Variants in ICE2 observed in about 807,000 individuals in gnomAD.
The protein encoded by ICE2 is interactor of little elongation complex ELL subunit 2, also known as little elongation complex subunit 2.
A neutral mutation model predicts 105.4 loss-of-function variants in ICE2; 87 were observed. The ratio of observed to expected loss-of-function variants is 0.83; its 90% CI spans 0.69 to 0.99. The LOEUF (loss-of-function observed/expected upper bound fraction) is 0.99. ICE2 is among the 50% of genes least tolerant of loss of function. The pLI, the probability that ICE2 is intolerant of heterozygous loss-of-function variation, is 0.00. For missense variants in ICE2, 1,323 were observed against 1,146.7 expected, an observed-to-expected ratio of 1.15 and a Z score of -2.22; for synonymous variants, 399 against 392.0, an observed-to-expected ratio of 1.02 and a Z score of -0.21.
intron 14 of ICE2, among the ~76,000 whole-genome samples, chr15:60,429,399 T>G (rs1204818362): frequency 1.3e-5 from 2 of 152,218 alleles, no homozygotes; most frequent in African/African-American, 4.8e-5. Context: ...CCCAGGCATT[T>G]GAACTCCACA....
intron 5 of ICE2, among the ~76,000 whole-genome samples, chr15:60,464,852 A>G (rs1268521775): frequency 6.6e-6 from 1 of 152,128 alleles, no homozygotes; most frequent in East Asian, 1.9e-4. Flanking sequence ...CCTGTATCTA[A>G]AAAAAGTTAG....
intron 13 of ICE2, among the ~76,000 whole-genome samples, chr15:60,432,362 G>C (rs1035363156): frequency 4.6e-5 from 7 of 151,328 alleles, no homozygotes; most frequent in Admixed American, 6.6e-5. Flanking sequence ...TGATTTTTTT[G>C]TATTTTTGGT....
At chr15:60,444,228 T>C (rs965609460) in intron 11 of ICE2, among the ~76,000 whole-genome samples, 2 of 152,174 alleles carry the variant, frequency 1.3e-5, no homozygotes, top group African/African-American at 4.8e-5. Context: ...TAATTCCATA[T>C]ATTTAAAAAA....
chr15:60,449,674 A>G lies in ICE2; in HGVS notation c.1293T>C (p.Ala431=). The G allele has an allele frequency of 6.2e-7, 1 of 1,614,062 alleles. No homozygotes were observed. The highest frequency in any genetic ancestry group is 8.5e-7 in the Non-Finnish European group (1 of 1,180,038). Residue 431 remains alanine, a synonymous_variant, in exon 10 of 16, where the codon GCT becomes GCC. Transcript: ENST00000261520. The part of the protein sequence containing the change: ...STSTVPNMTD[A]PTAPKAGTTT... The stretch of plus-strand genomic sequence containing the variant: ...TAGTTCCTGCTTTGGGGGCTGTAGG[A>G]GCATCTGTCATGTTAGGTACTGTGG...
chr15:60,430,914 G>A (rs982874841), intron 14 of ICE2, among the ~76,000 whole-genome samples: 18 of 151,956 alleles, frequency 1.2e-4, no homozygotes, highest in South Asian at 2.1e-4. Context: ...TCACTCTGTC[G>A]CCCAGGCTGG....
chr15:60,463,597 A>AC (rs1337821734), intron 5 of ICE2, among the ~76,000 whole-genome samples: 3 of 152,294 alleles, frequency 2.0e-5, no homozygotes, highest in African/African-American at 7.2e-5. Flanking sequence ...ATACGGTGAA[A>AC]CCCCATTTCT....
chr15:60,477,968 T>C lies in ICE2; in HGVS notation c.10A>G (p.Lys4Glu). The change falls in exon 2 of 16, where the codon AAG (lysine) becomes GAG (glutamate). Residue 4 changes from lysine (K) to glutamate (E), a missense_variant. Transcript: ENST00000261520. ...AGTCCTGGTTCACTTATGACCATCT[T>C]GGAGCTCATCTTCCTAGATTTCTGC... is the stretch of plus-strand genomic sequence containing the variant. MSS[K>E]MVISEPGLNW... The C allele has an allele frequency of 1.2e-6, 2 of 1,614,088 alleles. No homozygotes were observed.
chr15:60,453,608 T>C lies in ICE2; in HGVS notation c.1120A>G (p.Met374Val). 6.2e-7 allele frequency: 1 copy of C among 1,613,112 alleles called. No homozygotes were observed. Among genetic ancestry groups the C allele is most frequent in the Non-Finnish European group, 8.5e-7 (1 of 1,179,432 alleles). Reference protein sequence around the residue: ...MDKPEEFISEMDMSCEVNECR... With the variant: ...MDKPEEFISEVDMSCEVNECR... ...AAAAAAAAAGCATTACATACGTCCA[T>C]TTCAGATATAAACTCTTCAGGTTTG... The change falls in exon 9 of 16, where the codon ATG becomes GTG. Residue 374 changes from methionine (M) to valine (V), a missense_variant. Transcript: ENST00000261520.
At chr15:60,474,890 G>A (rs960459193) in intron 3 of ICE2, among the ~76,000 whole-genome samples, 1 of 152,204 alleles carries the variant, frequency 6.6e-6, no homozygotes, top group Admixed American at 6.5e-5. Flanking sequence ...GGGAGGCCAA[G>A]TTGGAGAATC....
intron 2 of ICE2, among the ~76,000 whole-genome samples, chr15:60,477,146 A>G (rs959008813): frequency 9.2e-5 from 14 of 152,220 alleles, no homozygotes; most frequent in African/African-American, 3.1e-4. Context: ...GTAAAATTAG[A>G]AAGTCTTATT....
chr15:60,453,471 GA>G (rs1320314175), intron 9 of ICE2, 131 bp downstream of exon 9: 1 of 1,429,938 alleles, frequency 7.0e-7, no homozygotes, highest in Non-Finnish European at 9.2e-7. Flanking sequence ...AGCTAGACTC[GA>G]AATTCAATTT....
intron 3 of ICE2, among the ~76,000 whole-genome samples, chr15:60,473,757 T>C (rs538279866): frequency 2.7e-5 from 4 of 150,276 alleles, no homozygotes; most frequent in African/African-American, 1.0e-4. Context: ...GAATAACAAA[T>C]AGTTTTTAAA....
chr15:60,439,000 AC>A (rs2063657843), intron 12 of ICE2: 1 of 152,262 alleles, frequency 6.6e-6, no homozygotes, highest in Non-Finnish European at 1.5e-5. Context: ...GCTTTTATAT[AC>A]AAGCGTTCAT....
intron 15 of ICE2, among the ~76,000 whole-genome samples, chr15:60,428,162 A>G (rs1191728330): frequency 6.6e-6 from 1 of 152,200 alleles, no homozygotes; most frequent in Non-Finnish European, 1.5e-5. Flanking sequence ...GTTTAACTAC[A>G]TGGATGCCTT....
Position 60,448,057 on chromosome 15 carries a change from G to T in ICE2, c.2208C>A (p.Ser736Arg). ...GTACGAGTAACAACAGGTCTTGCAG[G>T]CTAAATAACTTATAAACAAAATTTC... ...QEGNFVYKLF[S>R]LQDLLLLVRC... Residue 736 changes from serine to arginine, a missense_variant, in exon 11 of 16, where the codon AGC (serine) becomes AGA (arginine). Physicochemically the swap from Ser to Arg is moderately radical, Grantham distance 110 (BLOSUM62 -1). Transcript: ENST00000261520. 6.2e-7 allele frequency: 1 copy of T among 1,612,450 alleles called. No individual in the cohort carries two copies. Among genetic ancestry groups the T allele is most frequent in the East Asian group, 2.2e-5 (1 of 44,860 alleles).
At position 60,449,695 on chromosome 15, in the gene ICE2, T is replaced by A. The variant is rs1402486961; in HGVS notation, c.1272A>T (p.Thr424=). Residue 424 remains threonine, a synonymous_variant, in exon 10 of 16, where the codon ACA becomes ACT. Coordinates refer to ENST00000261520, the MANE Select transcript of ICE2 (RefSeq NM_024611.6). ...TAGGAGCATCTGTCATGTTAGGTAC[T>A]GTGGAAGTACTTGCTGGACTTGGTG... ...SKSPSPASTS[T]VPNMTDAPTA... is the part of the protein sequence containing the mutation. 1.9e-6 allele frequency: 3 copies of A among 1,614,182 alleles called. No homozygotes were observed. The highest frequency in any genetic ancestry group is 2.5e-6 in the Non-Finnish European group (3 of 1,180,040).
At chr15:60,446,063 C>G (rs2063815891) in intron 11 of ICE2, among the ~76,000 whole-genome samples, 1 of 152,132 alleles carries the variant, frequency 6.6e-6, no homozygotes, top group Non-Finnish European at 1.5e-5. Flanking sequence ...AGGAGACTAT[C>G]AAACCTACAG....
chr15:60,464,308 T>C (rs1383832234), intron 5 of ICE2, among the ~76,000 whole-genome samples: 1 of 152,194 alleles, frequency 6.6e-6, no homozygotes, highest in Admixed American at 6.5e-5. Context: ...AAGCGTGCCA[T>C]ACACTGTTCT....
chr15:60,457,918 C>T (rs2064171988), intron 5 of ICE2, among the ~76,000 whole-genome samples: 2 of 152,058 alleles, frequency 1.3e-5, no homozygotes, highest in Non-Finnish European at 2.9e-5. Flanking sequence ...GTAGTTATTA[C>T]AAGAATTTGA....
Sources: gnomAD v4.1 joint callset for allele counts (sites outside exome capture counted in the v4.1 genomes callset) on GRCh38, gnomAD v4.1.1 for gene constraint, MANE v1.5 for transcripts, NCBI Gene and HGNC (gene_info 2026-07-23, HGNC 2026-07-21) for gene names.